PTRH1: variants seen among roughly 807,000 people sequenced by gnomAD.
PTRH1 encodes the protein peptidyl-tRNA hydrolase 1 homolog, also known as peptidyl-tRNA hydrolase.
In PTRH1, 13 loss-of-function variants were observed where a neutral mutation model predicts 15.7. The observed-to-expected ratio is 0.83, with a 90% CI of 0.54 to 1.31. PTRH1 has a LOEUF of 1.31. Among genes scored for constraint, PTRH1 ranks in the 40% most tolerant of loss-of-function variants. The pLI, the probability that PTRH1 is intolerant of heterozygous loss-of-function variation, is 0.00. For missense variants in PTRH1, 319 were observed against 296.2 expected (o/e 1.08, Z -0.56); for synonymous variants, 139 against 136.7 (o/e 1.02, Z -0.12).
chr9:127,714,931 CACCCCCTTGGCCCGCCCG>C, intron 2 of PTRH1, 26 bp downstream of exon 2: 2 of 716,106 alleles, frequency 2.8e-6, no homozygotes, highest in Non-Finnish European at 4.5e-6. Flanking sequence ...CCCCAACCCC[CACCCCCTTGGCCCGCCCG>C]CCCACCCCTG....
chr9:127,700,332 CCTT>C (rs1207815099), intron 1 of PTRH1, among the ~76,000 whole-genome samples: 1 of 152,184 alleles, frequency 6.6e-6, no homozygotes, highest in Non-Finnish European at 1.5e-5. Flanking sequence ...GGCAGCATCT[CCTT>C]CTCCAAGCCT....
At chr9:127,712,989 G>A (rs1248941342), downstream of PTRH1, 1 of 1,607,926 alleles carries the variant, frequency 6.2e-7, no homozygotes, top group Non-Finnish European at 8.5e-7. Flanking sequence ...GCTCGCCGAA[G>A]GCTCTGTGAC....
In PTRH1 at chr9:127,714,981, G is replaced by A. The variant is rs1250906573; in HGVS notation, c.310C>T (p.Arg104Trp). 6.4e-6 allele frequency: 4 copies of A among 621,170 alleles called. No individual in the cohort carries two copies. The highest frequency in any genetic ancestry group is 6.6e-5 in the African/African-American group (2 of 30,470). The allele number at this position is 621,170 out of a possible 1,614,324, so 38.5% of individuals were successfully genotyped here. A position where few individuals can be genotyped will look rare whatever the true frequency, so the allele number is the denominator to read the frequency against. ...CCTGGCGCTCTCAACTCACCAGCCC[G>A]GGCCACGCTGCGCCCGTTGGCGTTC... The part of the protein sequence containing the change: ...LMNANGRSVA[R>W]AAELFGLTAE... Residue 104 changes from arginine (R) to tryptophan (W), a missense_variant, in exon 2 of 5, where the codon CGG (arginine) becomes TGG (tryptophan). Coordinates refer to ENST00000543175, the MANE Select transcript of PTRH1 (RefSeq NM_001002913.3).
chr9:127,697,727 C>T (rs1286505868), intron 1 of PTRH1, among the ~76,000 whole-genome samples: 1 of 152,142 alleles, frequency 6.6e-6, no homozygotes, highest in Non-Finnish European at 1.5e-5. Flanking sequence ...GGGAAGTGTC[C>T]GTGGCAGACT....
At chr9:127,702,516 GAC>G (rs892181246) in intron 1 of PTRH1, among the ~76,000 whole-genome samples, 21 of 152,056 alleles carry the variant, frequency 1.4e-4, no homozygotes, top group Admixed American at 7.2e-4. Context: ...CGGCCTGGGA[GAC>G]AGAGTGAGAC....
downstream of PTRH1, chr9:127,713,247 T>C (rs376313513): frequency 1.8e-4 from 264 of 1,429,704 alleles, no homozygotes; most frequent in African/African-American, 3.1e-3. Flanking sequence ...AGGTGGCAGC[T>C]AGTCCTGGGT....
chr9:127,712,267 A>T, downstream of PTRH1: 1 of 1,614,010 alleles, frequency 6.2e-7, no homozygotes, highest in Non-Finnish European at 8.5e-7. Context: ...CTACAGCAGG[A>T]ACTGGCTAAT....
chr9:127,709,760 C>A, downstream of PTRH1: 1 of 1,526,748 alleles, frequency 6.5e-7, no homozygotes, highest in South Asian at 1.2e-5. The surrounding 1 kb of genome is among the most constrained non-coding windows in gnomAD (Gnocchi z 4.7). Context: ...CCCTGTTTCT[C>A]ACCTGGGAAA....
chr9:127,711,276 TC>T, downstream of PTRH1: 1 of 1,614,062 alleles, frequency 6.2e-7, no homozygotes, highest in Non-Finnish European at 8.5e-7. Context: ...GCCAATGAGT[TC>T]CACAAGGTGA....
chr9:127,712,747 G>A (rs779962115), downstream of PTRH1: 14 of 1,614,088 alleles, frequency 8.7e-6, no homozygotes, highest in East Asian at 4.5e-5. Flanking sequence ...TTGACGTGAC[G>A]TTCCAGCCAT....
At chr9:127,695,425 A>G (rs1012457923) in intron 1 of PTRH1, 2 of 383,206 alleles carry the variant, frequency 5.2e-6, no homozygotes, top group African/African-American at 2.1e-5. Context: ...TGGAGGCTAC[A>G]TGGGTAAACA....
At chr9:127,709,500 G>A, downstream of PTRH1, 1 of 1,614,074 alleles carries the variant, frequency 6.2e-7, no homozygotes, top group Middle Eastern at 1.7e-4. This position sits in a 1 kb window ranked among gnomAD's most constrained non-coding sequence, Gnocchi z 4.7. Context: ...CCAATAACAA[G>A]AAGGAGATTG....
intron 1 of PTRH1, among the ~76,000 whole-genome samples, chr9:127,708,698 G>A (rs1842700287): frequency 6.6e-6 from 1 of 152,208 alleles, no homozygotes; most frequent in African/African-American, 2.4e-5. Flanking sequence ...TGGGAATACA[G>A]AGGTGGAGGA....
rs891459943 is a variant in PTRH1, at chr9:127,705,113, T to A, written c.206-9972A>T. On this transcript the variant is annotated intron_variant, in intron 1 of 2. Transcript: ENST00000335223. The surrounding 1 kb of genome is among the most constrained non-coding windows in gnomAD (Gnocchi z 4.7). Reference sequence around the variant, plus strand: ...GGGCCTAGGTTTCTTCCCTCCAAAGTCTCCCAGAGGTGACAGTGCCCCAGG... The same window carrying A: ...GGGCCTAGGTTTCTTCCCTCCAAAGACTCCCAGAGGTGACAGTGCCCCAGG... 1.3e-5 allele frequency among the ~76,000 whole-genome samples: 2 copies of A among 151,952 alleles called. No homozygotes were observed. The highest frequency in any genetic ancestry group is 4.8e-5 in the African/African-American group (2 of 41,366).
chr9:127,714,779 G>A (rs1258741816), intron 2 of PTRH1, 77 bp from the exon 3 acceptor site: 31 of 1,264,622 alleles, frequency 2.5e-5, no homozygotes, highest in Non-Finnish European at 3.4e-5. Flanking sequence ...CATGATGAGG[G>A]ACCACAACTA....
intron 2 of PTRH1, 50 bp downstream of exon 2, chr9:127,714,925 A>AACCC: frequency 3.2e-6 from 1 of 313,266 alleles, no homozygotes; most frequent in Non-Finnish European, 5.7e-6. Context: ...CCCGCGCCCC[A>AACCC]ACCCCCACCC....
At chr9:127,713,593 G>A (rs532598615), downstream of PTRH1, 18 of 328,512 alleles carry the variant, frequency 5.5e-5, no homozygotes, top group South Asian at 3.5e-4. Flanking sequence ...AGCAACCTCC[G>A]CCTCCCAGGT....
chr9:127,712,401 G>A (rs1421876545), downstream of PTRH1: 1 of 1,598,422 alleles, frequency 6.3e-7, no homozygotes, highest in Non-Finnish European at 8.5e-7. Flanking sequence ...GTGAGCGCAA[G>A]ATGGAAGCTG....
chr9:127,709,609 G>C, downstream of PTRH1: 1 of 1,613,976 alleles, frequency 6.2e-7, no homozygotes, highest in Non-Finnish European at 8.5e-7. The surrounding 1 kb of genome is among the most constrained non-coding windows in gnomAD (Gnocchi z 4.7). Flanking sequence ...GATGGAGAAG[G>C]ATGCCTTCGA....
Sources: allele counts gnomAD v4.1 joint callset (sites outside exome capture counted in the v4.1 genomes callset), GRCh38; gene constraint gnomAD v4.1.1; non-coding constraint Gnocchi (gnomAD v3.1); transcripts MANE v1.5; gene names NCBI Gene and HGNC (gene_info 2026-07-23, HGNC 2026-07-21).